The following PCCB variants were observed in gnomAD, a reference collection of about 807,000 sequenced individuals.
The protein encoded by PCCB is propionyl-CoA carboxylase subunit beta.
PCCB carries 43 observed loss-of-function variants against 60.7 expected under a neutral mutation model. That is an observed-to-expected ratio of 0.71 (90% CI 0.55 to 0.91). The LOEUF is 0.91. Among genes scored for constraint, PCCB ranks in the 40% least tolerant of loss-of-function variants. The pLI is 0.00. For missense variants in PCCB, 766 were observed against 702.8 expected (o/e 1.09, Z -1.02); for synonymous variants, 276 against 255.9 (o/e 1.08, Z -0.75).
chr3:136,256,687 A>G (rs1017242062), intron 3 of PCCB, 64 bp downstream of exon 3: 1 of 1,130,104 alleles, frequency 8.8e-7, no homozygotes, highest in East Asian at 2.3e-5. Flanking sequence ...AAAATATGTG[A>G]AAGAAGCCAA....
rs1935473537 is a variant in PCCB, at chr3:136,329,792, G to A, written c.1499-113G>A. The A allele has an allele frequency of 3.6e-6, 4 of 1,103,162 alleles. No individual in the cohort carries two copies. The East Asian group carries it at 9.5e-5, about 26-fold the overall frequency. 68.3% of individuals were successfully genotyped at this position (1,103,162 alleles called of 1,614,324 possible). A position where few individuals can be genotyped will look rare whatever the true frequency, so the allele number is the denominator to read the frequency against. On this transcript the variant is annotated intron_variant, in intron 14 of 14. Coordinates refer to ENST00000251654, the MANE Select transcript of PCCB (RefSeq NM_000532.5). ...GGGCCTACCATCTCTGTATCAGGTTGGGCACTGCTTATACTGCTGGCCCCA... is the reference window on the plus strand; with the variant it reads ...GGGCCTACCATCTCTGTATCAGGTTAGGCACTGCTTATACTGCTGGCCCCA...
intron 6 of PCCB, among the ~76,000 whole-genome samples, chr3:136,287,682 G>A (rs1294094793): frequency 6.6e-6 from 1 of 152,108 alleles, no homozygotes; most frequent in Non-Finnish European, 1.5e-5. Context: ...GTAATCTGCC[G>A]GCCTCAGCCT....
At chr3:136,316,365 G>C (rs1193421592) in intron 9 of PCCB, among the ~76,000 whole-genome samples, 2 of 152,186 alleles carry the variant, frequency 1.3e-5, no homozygotes, top group Admixed American at 6.5e-5. Context: ...GCCCAGGCTA[G>C]AGTGCAGTGG....
At chr3:136,297,686 A>G (rs1222281125) in intron 7 of PCCB, among the ~76,000 whole-genome samples, 1 of 152,192 alleles carries the variant, frequency 6.6e-6, no homozygotes, top group Non-Finnish European at 1.5e-5. Context: ...TGGAGGTGAC[A>G]TTAGAGCAAG....
intron 9 of PCCB, among the ~76,000 whole-genome samples, chr3:136,311,595 C>T (rs1398070908): frequency 6.6e-6 from 1 of 152,118 alleles, no homozygotes; most frequent in Non-Finnish European, 1.5e-5. Context: ...CTGCCTTGGC[C>T]TTCCAAAGTG....
intron 5 of PCCB, among the ~76,000 whole-genome samples, chr3:136,271,539 C>T (rs969539940): frequency 5.3e-5 from 8 of 151,652 alleles, no homozygotes; most frequent in African/African-American, 9.7e-5. Flanking sequence ...CTTTCAGCAG[C>T]GTTTTGTAGT....
chr3:136,323,711 G>A (rs1935189472), intron 10 of PCCB, among the ~76,000 whole-genome samples: 1 of 151,910 alleles, frequency 6.6e-6, no homozygotes, highest in Non-Finnish European at 1.5e-5. Flanking sequence ...CATGAACCTG[G>A]GAGGCAGAGC....
intron 2 of PCCB, chr3:136,256,194 C>G: frequency 1.6e-6 from 1 of 625,498 alleles, no homozygotes; most frequent in East Asian, 2.9e-5. Flanking sequence ...CCACCCACCT[C>G]GGACTCCCAA....
Position 136,283,848 on chromosome 3 carries a change from G to T in PCCB, c.555G>T (p.Thr185=), listed in dbSNP as rs543691110. Residue 185 remains threonine (T), a synonymous_variant, in exon 6 of 15, where the codon ACG becomes ACT. Transcript: ENST00000251654. The part of the protein sequence containing the change: ...GYADIFLRNV[T]ASGVIPQISL... ...TTCTGTTTTGGCAGAGGAATGTTAC[G>T]GCATCCGGAGTCATCCCTCAGATTT... 1 of 1,611,392 alleles carries T rather than the reference G, an allele frequency of 6.2e-7. No homozygotes were observed. The highest frequency in any genetic ancestry group is 8.5e-7 in the Non-Finnish European group (1 of 1,177,750).
chr3:136,265,297 G>T (rs985923355), intron 5 of PCCB, among the ~76,000 whole-genome samples: 1 of 152,178 alleles, frequency 6.6e-6, no homozygotes, highest in Non-Finnish European at 1.5e-5. Context: ...GAGTTGTACA[G>T]CCATAATCTA....
At chr3:136,293,359 C>T (rs981023346) in intron 6 of PCCB, among the ~76,000 whole-genome samples, 1 of 152,140 alleles carries the variant, frequency 6.6e-6, no homozygotes, top group Non-Finnish European at 1.5e-5. Context: ...ATACAGTCTC[C>T]ATATCTCAGT....
In PCCB at chr3:136,303,036, A is replaced by G. The variant is rs1338116827; in HGVS notation, c.966+1925A>G. Reference sequence around the variant, plus strand: ...GTGTTTGAGGCTGTTCTGAGTTATGATCATTGCCACTGCACTCCATCCTGG... The same window carrying G: ...GTGTTTGAGGCTGTTCTGAGTTATGGTCATTGCCACTGCACTCCATCCTGG... On this transcript the variant is annotated intron_variant, in intron 9 of 14. Transcript: ENST00000251654. Among the ~76,000 whole-genome samples the G allele has an allele frequency of 1.6e-5, 2 of 122,536 alleles. 1 individual carries two copies. The highest frequency in any genetic ancestry group is 3.6e-5 in the Non-Finnish European group (2 of 54,948). 80.4% of individuals were successfully genotyped at this position (122,536 alleles called of 152,430 possible). A position where few individuals can be genotyped will look rare whatever the true frequency, so the allele number is the denominator to read the frequency against.
chr3:136,297,253 A>G (rs1012381214), intron 7 of PCCB, among the ~76,000 whole-genome samples: 1 of 152,174 alleles, frequency 6.6e-6, no homozygotes, highest in Non-Finnish European at 1.5e-5. Flanking sequence ...GAGTAGAGAC[A>G]TGACACGATC....
At chr3:136,313,626 A>G (rs1377664367) in intron 9 of PCCB, among the ~76,000 whole-genome samples, 3 of 152,238 alleles carry the variant, frequency 2.0e-5, no homozygotes, top group Non-Finnish European at 2.9e-5. Flanking sequence ...ATTAAACTGT[A>G]TTAGTATTTT....
intron 10 of PCCB, among the ~76,000 whole-genome samples, chr3:136,322,707 C>T (rs1415149861): frequency 6.6e-6 from 1 of 152,188 alleles, no homozygotes; most frequent in East Asian, 1.9e-4. Flanking sequence ...CCTAATGTAG[C>T]TTTGTGATAC....
intron 6 of PCCB, among the ~76,000 whole-genome samples, chr3:136,289,665 A>G (rs1020243886): frequency 6.6e-6 from 1 of 151,528 alleles, no homozygotes; most frequent in East Asian, 1.9e-4. Context: ...AGTATCTACC[A>G]TATTTGTTAC....
rs570594951 is a variant in PCCB, at chr3:136,293,933, T to G, written c.763+69T>G. ...AAGAGGGCATTGCCAAAGAGCCTGG[T>G]GGCAGTTTTTAAGAAATATTACTTA... On this transcript the variant is annotated intron_variant, in intron 7 of 14. Coordinates refer to ENST00000251654, the MANE Select transcript of PCCB (RefSeq NM_000532.5). The G allele has an allele frequency of 1.8e-4, 168 of 934,570 alleles. 2 individuals are homozygous for G. In the South Asian group the frequency reaches 2.1e-3, roughly 12 times the overall value. 57.9% of individuals were successfully genotyped at this position (934,570 alleles called of 1,614,324 possible).
At chr3:136,327,314 TG>T in intron 12 of PCCB, 59 bp downstream of exon 12, 1 of 1,322,944 alleles carries the variant, frequency 7.6e-7, no homozygotes, top group South Asian at 1.2e-5. Flanking sequence ...ATAGCCGTGG[TG>T]GGAGGTCTGG....
chr3:136,297,886 C>A, intron 7 of PCCB, 66 bp from the exon 8 acceptor site: 1 of 1,600,156 alleles, frequency 6.2e-7, no homozygotes, highest in Non-Finnish European at 8.6e-7. Context: ...CGCAGTCAGG[C>A]ATGAAGCAGC....
Sources: gnomAD v4.1 joint callset for allele counts (sites outside exome capture counted in the v4.1 genomes callset) on GRCh38, gnomAD v4.1.1 for gene constraint, MANE v1.5 for transcripts, NCBI Gene and HGNC (gene_info 2026-07-23, HGNC 2026-07-21) for gene names.